ATRNL1: variants seen among roughly 807,000 people sequenced by gnomAD.
ATRNL1 encodes the protein attractin-like protein 1.
In ATRNL1, 95 loss-of-function variants were observed where a neutral mutation model predicts 182.7. The observed-to-expected ratio is 0.52, with a 90% CI of 0.44 to 0.62. The LOEUF (loss-of-function observed/expected upper bound fraction) is 0.62. ATRNL1 is among the 20% of genes least tolerant of loss of function. The pLI, the probability that ATRNL1 is intolerant of heterozygous loss-of-function variation, is 0.00. For missense variants in ATRNL1, 1,471 were observed against 1,679.5 expected (o/e 0.88, Z 2.17); for synonymous variants, 576 against 568.3 (o/e 1.01, Z -0.19).
chr10:115,129,309 A>G lies in ATRNL1; in HGVS notation c.621-18A>G, dbSNP rs1845119483. On this transcript the variant is annotated intron_variant, in intron 4 of 28. Transcript: ENST00000355044. Reference sequence around the variant, plus strand: ...TCAATTACCTTGAATCTGAATATATATGAATTATATTTTACAGAATCAATT... The same window carrying G: ...TCAATTACCTTGAATCTGAATATATGTGAATTATATTTTACAGAATCAATT... 3.2e-6 allele frequency: 5 copies of G among 1,584,974 alleles called. No homozygotes were observed. Among genetic ancestry groups the G allele is most frequent in the African/African-American group, 2.7e-5 (2 of 74,312 alleles).
chr10:115,336,879 T>C (rs527323979), intron 19 of ATRNL1, among the ~76,000 whole-genome samples: 32 of 151,666 alleles, frequency 2.1e-4, no homozygotes, highest in African/African-American at 7.3e-4. Flanking sequence ...AGAGTCTCGC[T>C]GTGTTGCCCA....
chr10:115,797,528 G>C (rs1949683187), intron 27 of ATRNL1, among the ~76,000 whole-genome samples: 1 of 151,900 alleles, frequency 6.6e-6, no homozygotes. Context: ...CTGACACTGG[G>C]GATATTAGAA....
At chr10:115,297,650 TAAAA>T (rs5788102) in intron 15 of ATRNL1, among the ~76,000 whole-genome samples, 2 of 116,084 alleles carry the variant, frequency 1.7e-5, no homozygotes, top group Non-Finnish European at 3.6e-5. Context: ...GACTCCGTCT[TAAAA>T]AAAAAAAAAA....
At chr10:115,360,159 A>G (rs574329631) in intron 19 of ATRNL1, among the ~76,000 whole-genome samples, 1 of 151,870 alleles carries the variant, frequency 6.6e-6, no homozygotes, top group African/African-American at 2.4e-5. Flanking sequence ...AAAGAAAAAA[A>G]TAACTACCCT....
At chr10:115,134,513 A>T (rs1221340200) in intron 5 of ATRNL1, among the ~76,000 whole-genome samples, 20 of 152,080 alleles carry the variant, frequency 1.3e-4, no homozygotes, top group Non-Finnish European at 5.9e-5. Flanking sequence ...AATAGACCAA[A>T]AACAGGCTCT....
At chr10:115,191,554 C>T (rs1848170236) in intron 8 of ATRNL1, among the ~76,000 whole-genome samples, 2 of 152,048 alleles carry the variant, frequency 1.3e-5, no homozygotes, top group African/African-American at 4.8e-5. Flanking sequence ...TTGTAATCCC[C>T]ATACTCTCCA....
chr10:115,265,112 T>C (rs1554910114), intron 10 of ATRNL1, 81 bp from the exon 11 acceptor site: 4 of 889,566 alleles, frequency 4.5e-6, no homozygotes, highest in South Asian at 1.7e-5. Context: ...TATCTTTAAT[T>C]CGGCCAATGA....
At chr10:115,418,632 C>T (rs2134366502) in intron 20 of ATRNL1, among the ~76,000 whole-genome samples, 1 of 152,202 alleles carries the variant, frequency 6.6e-6, no homozygotes, top group South Asian at 2.1e-4. Context: ...AATAAGAATA[C>T]CACAAGGCAT....
At chr10:115,199,560 C>T (rs1382760535) in intron 8 of ATRNL1, among the ~76,000 whole-genome samples, 1 of 151,044 alleles carries the variant, frequency 6.6e-6, no homozygotes, top group Non-Finnish European at 1.5e-5. Context: ...AAGATTTCAT[C>T]TAAAAAAAAA....
At chr10:115,196,895 ATTTTCT>A (rs1456225310) in intron 8 of ATRNL1, among the ~76,000 whole-genome samples, 4 of 151,928 alleles carry the variant, frequency 2.6e-5, no homozygotes, top group Admixed American at 6.6e-5. Flanking sequence ...CCTTTTACTA[ATTTTCT>A]TTGTCTTGTA....
At chr10:115,743,369 G>C (rs1948196596) in intron 27 of ATRNL1, among the ~76,000 whole-genome samples, 1 of 151,546 alleles carries the variant, frequency 6.6e-6, no homozygotes, top group South Asian at 2.1e-4. Flanking sequence ...CAACATCCCT[G>C]CCCTTGCCTC....
intron 26 of ATRNL1, among the ~76,000 whole-genome samples, chr10:115,563,410 G>A (rs560002558): frequency 8.5e-5 from 13 of 152,214 alleles, no homozygotes; most frequent in African/African-American, 3.1e-4. Context: ...TCCGTGCTGA[G>A]CAATTCTCTT....
At chr10:115,395,325 T>C (rs895038419) in intron 20 of ATRNL1, among the ~76,000 whole-genome samples, 20 of 152,006 alleles carry the variant, frequency 1.3e-4, no homozygotes, top group Non-Finnish European at 2.9e-5. Context: ...TAGGTGCATG[T>C]GTCTTTTTGG....
At position 115,694,911 on chromosome 10, in the gene ATRNL1, TCACA is replaced by T. The variant is rs371950891; in HGVS notation, c.3796-32320_3796-32317del. Among the ~76,000 whole-genome samples, 650 of 131,704 alleles carry T rather than the reference TCACA, an allele frequency of 4.9e-3. 1 individual carries two copies. Among genetic ancestry groups the T allele is most frequent in the African/African-American group, 0.011 (396 of 34,860 alleles). 86.4% of individuals were successfully genotyped at this position (131,704 alleles called of 152,430 possible). On this transcript the variant is annotated intron_variant, in intron 26 of 28. Coordinates refer to ENST00000355044, the MANE Select transcript of ATRNL1 (RefSeq NM_207303.4). Reference sequence around the variant, plus strand: ...TTTTTTTTTTACAAATGTTATAAAATCACACACACACACACACACATGCACACAC... The same window carrying T: ...TTTTTTTTTTACAAATGTTATAAAATCACACACACACACACATGCACACAC...
chr10:115,225,475 T>TTAATATAATATAATATAATATAATA (rs140867376), intron 9 of ATRNL1, among the ~76,000 whole-genome samples: 4,629 of 143,354 alleles, frequency 0.032, 86 homozygotes, highest in Non-Finnish European at 0.046. Context: ...ATAAGGCAGA[T>TTAATATAATATAATATAATATAATA]TAATATAATA....
chr10:115,585,887 G>A (rs1177694874), intron 26 of ATRNL1, among the ~76,000 whole-genome samples: 1 of 40,412 alleles, frequency 2.5e-5, no homozygotes, highest in Admixed American at 2.3e-4. Context: ...TGCAGCGGCT[G>A]GTACCGGTTG....
At chr10:115,124,100 C>A (rs1844859691) in intron 3 of ATRNL1, among the ~76,000 whole-genome samples, 1 of 151,976 alleles carries the variant, frequency 6.6e-6, no homozygotes. Context: ...CCAAAATCAT[C>A]CTCCCCCGGT....
chr10:115,865,975 A>AT (rs563825789), intron 28 of ATRNL1, among the ~76,000 whole-genome samples: 6 of 151,850 alleles, frequency 4.0e-5, no homozygotes, highest in Non-Finnish European at 7.4e-5. Context: ...TAGTTTGTGG[A>AT]TTTTTTTTCT....
chr10:115,718,290 C>T (rs1221047908), intron 26 of ATRNL1, among the ~76,000 whole-genome samples: 2 of 152,168 alleles, frequency 1.3e-5, no homozygotes, highest in African/African-American at 4.8e-5. Flanking sequence ...TGTATCTTTC[C>T]TCTGAGCATT....
Sources: allele counts gnomAD v4.1 joint callset (sites outside exome capture counted in the v4.1 genomes callset), GRCh38; gene constraint gnomAD v4.1.1; transcripts MANE v1.5; gene names NCBI Gene and HGNC (gene_info 2026-07-23, HGNC 2026-07-21).